SAMMSON: variants seen among roughly 807,000 people sequenced by gnomAD.
SAMMSON encodes long intergenic non-protein coding RNA 1212.
At chr3:70,388,086 T>C (rs772787549) in intron 9 of SAMMSON, among the ~76,000 whole-genome samples, 1 of 152,104 alleles carries the variant, frequency 6.6e-6, no homozygotes, top group Admixed American at 6.6e-5. Flanking sequence ...GAAATATCGT[T>C]CTTAGTGGTT....
At chr3:70,263,937 A>G (rs1701891341) in intron 6 of SAMMSON, among the ~76,000 whole-genome samples, 1 of 152,124 alleles carries the variant, frequency 6.6e-6, no homozygotes, top group Non-Finnish European at 1.5e-5. Flanking sequence ...TGTTGAATAC[A>G]TTATTTCTAG....
chr3:70,381,282 GA>G (rs1703065827), intron 9 of SAMMSON, among the ~76,000 whole-genome samples: 1 of 152,098 alleles, frequency 6.6e-6, no homozygotes, highest in Admixed American at 6.6e-5. Flanking sequence ...GTTGATGAGG[GA>G]AAATTCTTAA....
chr3:70,226,121 C>G (rs1235004903), intron 4 of SAMMSON, among the ~76,000 whole-genome samples: 2 of 152,076 alleles, frequency 1.3e-5, no homozygotes, highest in Non-Finnish European at 2.9e-5. Flanking sequence ...ATACAACATC[C>G]CCACCTAATA....
chr3:70,253,478 G>T (rs1193923334), intron 6 of SAMMSON, among the ~76,000 whole-genome samples: 1 of 152,192 alleles, frequency 6.6e-6, no homozygotes, highest in Non-Finnish European at 1.5e-5. Flanking sequence ...ATCCAGCTGG[G>T]CACAGTGGCT....
chr3:70,224,413 C>T (rs950023640), intron 4 of SAMMSON, among the ~76,000 whole-genome samples: 2 of 152,194 alleles, frequency 1.3e-5, no homozygotes, highest in African/African-American at 4.8e-5. Flanking sequence ...TCTAGAAGCC[C>T]TTTGGATGGG....
At chr3:70,004,960 G>T (rs569139048) in intron 1 of SAMMSON, among the ~76,000 whole-genome samples, 1 of 152,266 alleles carries the variant, frequency 6.6e-6, no homozygotes, top group Non-Finnish European at 1.5e-5. Flanking sequence ...AAGCCCAAAG[G>T]GGGAACTGCT....
At chr3:70,185,716 G>A (rs1701086646) in intron 4 of SAMMSON, among the ~76,000 whole-genome samples, 1 of 150,806 alleles carries the variant, frequency 6.6e-6, no homozygotes, top group Non-Finnish European at 1.5e-5. Context: ...GGTTGTGCCA[G>A]CCAGGTGTAG....
At chr3:70,190,679 C>A (rs1031555844) in intron 4 of SAMMSON, among the ~76,000 whole-genome samples, 3 of 152,142 alleles carry the variant, frequency 2.0e-5, no homozygotes, top group Non-Finnish European at 4.4e-5. Context: ...ATTATAAATG[C>A]GTAACAAGGA....
intron 9 of SAMMSON, among the ~76,000 whole-genome samples, chr3:70,362,648 A>G (rs1198153849): frequency 6.6e-6 from 1 of 152,202 alleles, no homozygotes; most frequent in East Asian, 1.9e-4. Flanking sequence ...TGGACTTGGT[A>G]AAAAAGTGTG....
chr3:70,160,353 T>TCCTC lies in SAMMSON; in HGVS notation n.508-88734_508-88731dup, dbSNP rs572911460. Among the ~76,000 whole-genome samples, 639 of 151,506 alleles carry TCCTC rather than the reference T, an allele frequency of 4.2e-3. 3 individuals are homozygous for TCCTC. The highest frequency in any genetic ancestry group is 0.015 in the African/African-American group (598 of 41,174). ...GAGGTAAGGATTTCCTTCCTTCCCT[T>TCCTC]CCTCCCTCCCTCCCTCCCTCCCTTC... On this transcript the variant is annotated intron_variant and non_coding_transcript_variant, in intron 4 of 9. Transcript: ENST00000642114.
intron 4 of SAMMSON, among the ~76,000 whole-genome samples, chr3:70,241,562 T>G (rs1015441572): frequency 6.6e-6 from 1 of 152,154 alleles, no homozygotes; most frequent in Non-Finnish European, 1.5e-5. Flanking sequence ...AAAGGTATTC[T>G]TGTTAGTATT....
At chr3:70,372,293 A>G (rs983170046) in intron 9 of SAMMSON, among the ~76,000 whole-genome samples, 19 of 151,534 alleles carry the variant, frequency 1.3e-4, no homozygotes, top group Non-Finnish European at 2.5e-4. Flanking sequence ...ATTTTATTTC[A>G]TGTATTTTAT....
intron 4 of SAMMSON, among the ~76,000 whole-genome samples, chr3:70,092,741 G>T (rs1178901335): frequency 6.6e-6 from 1 of 151,904 alleles, no homozygotes; most frequent in Non-Finnish European, 1.5e-5. Flanking sequence ...TGTTCACTTG[G>T]TATCTCATCT....
chr3:70,215,722 A>G (rs140421290), intron 4 of SAMMSON, among the ~76,000 whole-genome samples: 5 of 152,246 alleles, frequency 3.3e-5, no homozygotes, highest in Admixed American at 1.3e-4. Flanking sequence ...TACATAAGCC[A>G]TTCAGCTCAA....
At chr3:70,103,230 T>G (rs2067352801) in intron 4 of SAMMSON, among the ~76,000 whole-genome samples, 7 of 152,158 alleles carry the variant, frequency 4.6e-5, no homozygotes, top group Admixed American at 4.6e-4. Flanking sequence ...TGAAATCTCT[T>G]GATTTAACAA....
intron 2 of SAMMSON, among the ~76,000 whole-genome samples, chr3:70,425,757 A>T (rs1470340636): frequency 1.3e-5 from 2 of 152,156 alleles, no homozygotes; most frequent in Non-Finnish European, 2.9e-5. Flanking sequence ...ATAATTTATT[A>T]ATTATGGTAA....
intron 4 of SAMMSON, among the ~76,000 whole-genome samples, chr3:70,077,924 A>G (rs948855875): frequency 1.3e-5 from 2 of 152,082 alleles, no homozygotes; most frequent in Non-Finnish European, 2.9e-5. Flanking sequence ...CTACTGTCCT[A>G]TAGGGCTCCT....
At chr3:70,006,040 A>C (rs569701351) in intron 1 of SAMMSON, among the ~76,000 whole-genome samples, 7 of 152,360 alleles carry the variant, frequency 4.6e-5, no homozygotes, top group Non-Finnish European at 1.0e-4. Context: ...ACTAGTTGAC[A>C]GAGCTGATTT....
At chr3:70,240,825 T>C (rs1701660446) in intron 4 of SAMMSON, among the ~76,000 whole-genome samples, 2 of 152,104 alleles carry the variant, frequency 1.3e-5, no homozygotes, top group Non-Finnish European at 1.5e-5. Flanking sequence ...AATTAAGATA[T>C]TAAGTGGTGT....
Sources: allele counts gnomAD v4.1 joint callset (sites outside exome capture counted in the v4.1 genomes callset), GRCh38; gene constraint gnomAD v4.1.1; transcripts MANE v1.5; gene names NCBI Gene and HGNC (gene_info 2026-07-23, HGNC 2026-07-21).